PTPRN2: variants seen among roughly 807,000 people sequenced by gnomAD.
The protein encoded by PTPRN2 is protein tyrosine phosphatase receptor type N2.
PTPRN2 carries 74 observed loss-of-function variants against 118.8 expected under a neutral mutation model. That is an observed-to-expected ratio of 0.62 (90% confidence interval 0.52 to 0.76). The LOEUF (loss-of-function observed/expected upper bound fraction) is 0.76, where lower values mean the gene tolerates loss of function less well. Among genes scored for constraint, PTPRN2 ranks in the 30% least tolerant of loss-of-function variants. The probability of loss-of-function intolerance (pLI) is 0.00; values close to 1 mark genes in which losing one functional copy is unlikely to be tolerated. For synonymous variants in PTPRN2, 641 were observed against 608.0 expected (o/e 1.05, Z -0.80); for missense variants, 1,481 against 1,394.4 (o/e 1.06, Z -0.99).
rs1563397943 is a variant in PTPRN2 at position 158,074,371 on chromosome 7, CTG to C, written c.1723+6925_1723+6926del. On this transcript the variant is annotated intron_variant, in intron 11 of 22. Coordinates refer to ENST00000389418, the MANE Select transcript of PTPRN2 (RefSeq NM_002847.5). ...GGCGCAGGGAGGTGGTGGTGATTCA[CTG>C]TGTTTCTAACAGGTCCTCTGGCCAC... 2.6e-5 allele frequency among the ~76,000 whole-genome samples: 4 copies of C among 152,324 alleles called. No individual in the cohort carries two copies. The East Asian group carries it at 7.7e-4, about 29-fold the overall frequency.
chr7:158,348,453 C>A (rs4909193), intron 2 of PTPRN2, among the ~76,000 whole-genome samples: 22 of 78,872 alleles, frequency 2.8e-4, no homozygotes, highest in East Asian at 4.2e-4. Context: ...CCCAGAGCCA[C>A]CCTGGGGTCC....
intron 1 of PTPRN2, among the ~76,000 whole-genome samples, chr7:158,527,735 A>T (rs148644645): frequency 2.6e-5 from 4 of 152,122 alleles, no homozygotes; most frequent in Non-Finnish European, 5.9e-5. Context: ...CCTCACCGTG[A>T]CCTCTGCAGA....
chr7:158,586,326 G>C (rs1164220687), intron 1 of PTPRN2, among the ~76,000 whole-genome samples: 2 of 152,194 alleles, frequency 1.3e-5, no homozygotes, highest in African/African-American at 2.4e-5. Context: ...TGCAGTTTTT[G>C]TTTGTTTGGG....
chr7:158,489,797 CAG>C lies in PTPRN2; in HGVS notation c.113-14_113-13del, dbSNP rs768101980. ...CTCGAGCAGGCAGCCTGCGGGGAAACAGAGAAGAGACGCGGTCAGCTGGAGGG... is the reference window on the plus strand; with the variant it reads ...CTCGAGCAGGCAGCCTGCGGGGAAACAGAAGAGACGCGGTCAGCTGGAGGG... On this transcript the variant is annotated splice_polypyrimidine_tract_variant and intron_variant, in intron 1 of 22. Transcript: ENST00000389418. 1.3e-6 allele frequency: 2 copies of C among 1,569,888 alleles called. No individual in the cohort carries two copies. Among genetic ancestry groups the C allele is most frequent in the South Asian group, 2.3e-5 (2 of 85,412 alleles).
At chr7:157,776,837 T>TTCCTCCTCCCTCTCC (rs1269616221) in intron 12 of PTPRN2, among the ~76,000 whole-genome samples, 2 of 29,146 alleles carry the variant, frequency 6.9e-5, no homozygotes, top group Non-Finnish European at 1.4e-4. Context: ...CCTCCCTCTC[T>TTCCTCCTCCCTCTCC]TCCTCCTCCC....
chr7:157,614,084 CAG>C (rs1193614667), intron 15 of PTPRN2: 2 of 467,386 alleles, frequency 4.3e-6, no homozygotes, highest in South Asian at 3.1e-5. Context: ...AATCAGAACA[CAG>C]GGAACCATGA....
intron 3 of PTPRN2, among the ~76,000 whole-genome samples, chr7:158,207,157 C>CATAGT (rs1827220796): frequency 6.9e-6 from 1 of 145,142 alleles, no homozygotes; most frequent in South Asian, 2.3e-4. Context: ...TTTATGGCTG[C>CATAGT]ATAGTATTCC....
At chr7:158,495,038 TA>T (rs955949665) in intron 1 of PTPRN2, among the ~76,000 whole-genome samples, 11 of 151,756 alleles carry the variant, frequency 7.2e-5, no homozygotes, top group East Asian at 1.9e-4. Context: ...TCTACAGCCT[TA>T]AAAAAAACCA....
chr7:157,839,158 T>C (rs1464615051), intron 12 of PTPRN2, among the ~76,000 whole-genome samples: 1 of 152,246 alleles, frequency 6.6e-6, no homozygotes. Flanking sequence ...TGACTTATAT[T>C]TGGCACAAGA....
chr7:158,238,417 A>G (rs6963236), intron 3 of PTPRN2, among the ~76,000 whole-genome samples: 123,099 of 152,066 alleles, frequency 0.81, 50,076 homozygotes, highest in East Asian at 0.96. Flanking sequence ...CACAGGAAGG[A>G]AGGAAGCCAC....
intron 1 of PTPRN2, among the ~76,000 whole-genome samples, chr7:158,513,726 A>G (rs1480859680): frequency 6.6e-6 from 1 of 152,232 alleles, no homozygotes; most frequent in Non-Finnish European, 1.5e-5. Flanking sequence ...ATTAAGTTTT[A>G]AAAAACAAGA....
At chr7:158,288,381 G>GTCT (rs1177599563) in intron 3 of PTPRN2, among the ~76,000 whole-genome samples, 1 of 152,030 alleles carries the variant, frequency 6.6e-6, no homozygotes, top group African/African-American at 2.4e-5. Context: ...CTCTGTGTCT[G>GTCT]TCTTCCCTTA....
intron 1 of PTPRN2, among the ~76,000 whole-genome samples, chr7:158,547,999 G>T (rs1425734771): frequency 6.6e-6 from 1 of 152,206 alleles, no homozygotes; most frequent in African/African-American, 2.4e-5. Context: ...CCGAGGACCT[G>T]GATCCCGGGG....
intron 14 of PTPRN2, among the ~76,000 whole-genome samples, chr7:157,655,135 C>T (rs527877368): frequency 5.9e-5 from 9 of 152,342 alleles, no homozygotes; most frequent in Admixed American, 2.0e-4. Context: ...GGTCCGGCTT[C>T]GTGGGCTCGC....
intron 11 of PTPRN2, among the ~76,000 whole-genome samples, chr7:158,004,436 ATT>A (rs1805506828): frequency 6.6e-6 from 1 of 152,202 alleles, no homozygotes; most frequent in African/African-American, 2.4e-5. Context: ...ACCAGCATCT[ATT>A]TTTAAAGAAC....
intron 3 of PTPRN2, among the ~76,000 whole-genome samples, chr7:158,225,870 G>A (rs891154503): frequency 6.6e-6 from 1 of 150,570 alleles, no homozygotes; most frequent in African/African-American, 2.5e-5. Context: ...CTCAGGGGAT[G>A]GTGTATGACA....
chr7:158,237,944 C>A (rs1490750083), intron 3 of PTPRN2, among the ~76,000 whole-genome samples: 5 of 152,174 alleles, frequency 3.3e-5, no homozygotes, highest in Non-Finnish European at 5.9e-5. Context: ...CGGCGGCTGC[C>A]ATGGAGATAC....
At chr7:157,799,393 G>A (rs1585498964) in intron 12 of PTPRN2, among the ~76,000 whole-genome samples, 2 of 152,266 alleles carry the variant, frequency 1.3e-5, no homozygotes, top group African/African-American at 4.8e-5. Flanking sequence ...CTGAACGTGT[G>A]TTCCTCTAGC....
chr7:158,172,672 A>G (rs989441771), intron 5 of PTPRN2, among the ~76,000 whole-genome samples: 2 of 145,770 alleles, frequency 1.4e-5, no homozygotes, highest in African/African-American at 5.2e-5. Flanking sequence ...GCATCCCACC[A>G]TCATCATCTT....
Sources: gnomAD v4.1 joint callset for allele counts (sites outside exome capture counted in the v4.1 genomes callset) on GRCh38, gnomAD v4.1.1 for gene constraint, MANE v1.5 for transcripts, NCBI Gene and HGNC (gene_info 2026-07-23, HGNC 2026-07-21) for gene names.